SMAD9: variants seen among roughly 807,000 people sequenced by gnomAD.
The protein encoded by SMAD9 is MAD homolog 9.
In SMAD9, 36 loss-of-function variants were observed where a neutral mutation model predicts 46.1. The ratio of observed to expected loss-of-function variants is 0.78; its 90% CI spans 0.60 to 1.03. The LOEUF is 1.03. Among genes scored for constraint, SMAD9 ranks in the 50% least tolerant of loss-of-function variants. The pLI, the probability that SMAD9 is intolerant of heterozygous loss-of-function variation, is 0.00. For synonymous variants in SMAD9, 245 were observed against 237.1 expected, an observed-to-expected ratio of 1.03 and a Z score of -0.31; for missense variants, 572 against 599.8, an observed-to-expected ratio of 0.95 and a Z score of 0.48.
At chr13:36,891,838 G>A (rs532744416) in intron 1 of SMAD9, among the ~76,000 whole-genome samples, 7 of 152,238 alleles carry the variant, frequency 4.6e-5, no homozygotes, top group African/African-American at 1.7e-4. Flanking sequence ...CCTTCCATCT[G>A]GCATCTGTTA....
intron 1 of SMAD9, among the ~76,000 whole-genome samples, chr13:36,918,300 G>A (rs2058714185): frequency 6.6e-6 from 1 of 152,190 alleles, no homozygotes; most frequent in African/African-American, 2.4e-5. Context: ...ACACTGCACT[G>A]ATAAACATGA....
intron 1 of SMAD9, among the ~76,000 whole-genome samples, chr13:36,916,772 G>A (rs892865515): frequency 2.0e-5 from 3 of 151,692 alleles, no homozygotes; most frequent in Admixed American, 6.6e-5. Flanking sequence ...CTCGAAGGAG[G>A]ACATACCTGG....
At chr13:36,904,540 T>A (rs908841591) in intron 1 of SMAD9, among the ~76,000 whole-genome samples, 3 of 152,162 alleles carry the variant, frequency 2.0e-5, no homozygotes, top group Non-Finnish European at 2.9e-5. Flanking sequence ...ATTCAGCCAC[T>A]AAAAGGCCAT....
chr13:36,907,813 C>T (rs2058630764), intron 1 of SMAD9, among the ~76,000 whole-genome samples: 8 of 152,184 alleles, frequency 5.3e-5, no homozygotes, highest in Admixed American at 5.2e-4. Context: ...GAGTTTCTCC[C>T]TCTGCCAAAT....
At chr13:36,902,025 T>C (rs1427152880) in intron 1 of SMAD9, among the ~76,000 whole-genome samples, 2 of 152,242 alleles carry the variant, frequency 1.3e-5, no homozygotes, top group Admixed American at 1.3e-4. Flanking sequence ...TCTTTTGTTA[T>C]TCATGTTTCT....
intron 5 of SMAD9, among the ~76,000 whole-genome samples, chr13:36,860,361 C>T (rs536614187): frequency 6.6e-6 from 1 of 151,758 alleles, no homozygotes; most frequent in South Asian, 2.1e-4. Context: ...TAATTATTTT[C>T]AGGATACGCT....
At position 36,885,725 on chromosome 13, in the gene SMAD9, G is replaced by C. The variant is rs552197205; in HGVS notation, c.-186-5850C>G. On this transcript the variant is annotated intron_variant, in intron 1 of 6. Transcript: ENST00000379826. ...CTAGGGGGCCGTAGAGAGATTCCAA[G>C]GCATCTGTGGACATTTGAATTGTAT... Among the ~76,000 whole-genome samples the C allele has an allele frequency of 5.1e-4, 77 of 151,732 alleles. 1 individual carries two copies. The highest frequency in any genetic ancestry group is 1.7e-3 in the African/African-American group (70 of 41,350).
intron 5 of SMAD9, among the ~76,000 whole-genome samples, chr13:36,862,620 T>C (rs1271119999): frequency 6.6e-6 from 1 of 152,194 alleles, no homozygotes. Flanking sequence ...ATAACTACAT[T>C]ATCAGTCGAA....
intron 6 of SMAD9, among the ~76,000 whole-genome samples, chr13:36,851,305 T>A (rs2058072976): frequency 6.6e-6 from 1 of 152,114 alleles, no homozygotes; most frequent in African/African-American, 2.4e-5. Flanking sequence ...GCTGTTGCCT[T>A]GCTCTTCCCT....
At chr13:36,902,154 A>G (rs1040682654) in intron 1 of SMAD9, among the ~76,000 whole-genome samples, 2 of 152,074 alleles carry the variant, frequency 1.3e-5, no homozygotes, top group Admixed American at 6.5e-5. Context: ...GTCAACTTTT[A>G]TATCTAGTGT....
intron 1 of SMAD9, among the ~76,000 whole-genome samples, chr13:36,892,451 T>A (rs1042739702): frequency 7.2e-5 from 11 of 152,156 alleles, no homozygotes; most frequent in African/African-American, 2.4e-4. Context: ...GCCCACAAAC[T>A]AACTACACTA....
intron 4 of SMAD9, among the ~76,000 whole-genome samples, chr13:36,866,238 A>G (rs1440630331): frequency 6.6e-6 from 1 of 152,184 alleles, no homozygotes; most frequent in Non-Finnish European, 1.5e-5. Context: ...TGACTATGAT[A>G]AAAAGCAAAT....
At chr13:36,871,517 C>CAAAAA (rs1555240098) in intron 3 of SMAD9, among the ~76,000 whole-genome samples, 1 of 148,550 alleles carries the variant, frequency 6.7e-6, no homozygotes, top group African/African-American at 2.5e-5. Context: ...GACTCCGTCT[C>CAAAAA]AAAATAAAAA....
At chr13:36,884,949 G>A (rs139247112) in intron 1 of SMAD9, among the ~76,000 whole-genome samples, 3 of 152,304 alleles carry the variant, frequency 2.0e-5, no homozygotes, top group East Asian at 3.9e-4. Flanking sequence ...TTTGTTCTGC[G>A]AGGGCCTAGT....
chr13:36,873,063 T>C lies in SMAD9; in HGVS notation c.413-148A>G, dbSNP rs1246219720. 3.4e-6 allele frequency: 3 copies of C among 894,024 alleles called. No individual in the cohort carries two copies. In the South Asian group the frequency reaches 4.4e-5, roughly 13 times the overall value. The allele number at this position is 894,024 out of a possible 1,614,324, so 55.4% of individuals were successfully genotyped here. A position where few individuals can be genotyped will look rare whatever the true frequency, so the allele number is the denominator to read the frequency against. ...CTACTCCCATTAGTCTTTGTGCTCA[T>C]CATAAAACTGTCGATTAAGTCCCCA... On this transcript the variant is annotated intron_variant, in intron 2 of 6. Transcript: ENST00000379826.
intron 1 of SMAD9, among the ~76,000 whole-genome samples, chr13:36,880,701 A>G (rs1004743307): frequency 1.3e-5 from 2 of 152,226 alleles, no homozygotes; most frequent in Admixed American, 6.5e-5. Flanking sequence ...CCAAAACAAC[A>G]TAACACAATA....
chr13:36,900,684 TACACACACACACACACACACACAC>T lies in SMAD9; in HGVS notation c.-187+19408_-187+19431del, dbSNP rs58756918. Among the ~76,000 whole-genome samples the T allele has an allele frequency of 5.6e-5, 8 of 142,874 alleles. No homozygotes were observed. In the East Asian group the frequency reaches 1.0e-3, roughly 18 times the overall value. The allele number at this position is 142,874 out of a possible 152,430, so 93.7% of individuals were successfully genotyped here. On this transcript the variant is annotated intron_variant, in intron 1 of 6. Coordinates refer to ENST00000379826, the MANE Select transcript of SMAD9 (RefSeq NM_001127217.3). ...TTACCACTAAAACTATCATTATGAC[TACACACACACACACACACACACAC>T]ACACACACACACACACACATAAATG...
chr13:36,861,219 A>G (rs540936853), intron 5 of SMAD9, among the ~76,000 whole-genome samples: 2 of 152,326 alleles, frequency 1.3e-5, no homozygotes, highest in Non-Finnish European at 2.9e-5. Flanking sequence ...CCAGCCATTT[A>G]GCTAATTTAA....
chr13:36,879,163 T>TC (rs1555241392), intron 2 of SMAD9, 115 bp downstream of exon 2: 15 of 759,614 alleles, frequency 2.0e-5, no homozygotes, highest in Middle Eastern at 5.3e-4. Context: ...TCTCCTCTCT[T>TC]CTCTCTCTCT....
Sources: allele counts gnomAD v4.1 joint callset (sites outside exome capture counted in the v4.1 genomes callset), GRCh38; gene constraint gnomAD v4.1.1; transcripts MANE v1.5; gene names NCBI Gene and HGNC (gene_info 2026-07-23, HGNC 2026-07-21).